Variants in PTK2 observed in about 807,000 individuals in gnomAD.
The protein encoded by PTK2 is protein tyrosine kinase 2, also known as focal adhesion kinase 1.
A neutral mutation model predicts 150.1 loss-of-function variants in PTK2; 45 were observed. The ratio of observed to expected loss-of-function variants is 0.30; its 90% confidence interval spans 0.24 to 0.38. The LOEUF (loss-of-function observed/expected upper bound fraction) is 0.38, where lower values mean the gene tolerates loss of function less well. PTK2 is among the 10% of genes least tolerant of loss of function. The probability of loss-of-function intolerance (pLI) is 1.00; values close to 1 mark genes in which losing one functional copy is unlikely to be tolerated. For missense variants in PTK2, 919 were observed against 1,307.3 expected, an observed-to-expected ratio of 0.70 and a Z score of 4.58; for synonymous variants, 432 against 449.2, an observed-to-expected ratio of 0.96 and a Z score of 0.48.
At chr8:140,730,328 A>C (rs2100048465) in intron 22 of PTK2, among the ~76,000 whole-genome samples, 1 of 152,258 alleles carries the variant, frequency 6.6e-6, no homozygotes, top group Non-Finnish European at 1.5e-5. Context: ...TCACAAATGG[A>C]ACACTATATA....
exon 32 of PTK2, chr8:140,659,619 T>C (rs1260769451): frequency 1.9e-6 from 3 of 1,614,198 alleles, no homozygotes; most frequent in Admixed American, 1.7e-5. Flanking sequence ...GCTGGGCCAG[T>C]TTCATCTTGT....
intron 1 of PTK2, among the ~76,000 whole-genome samples, chr8:140,966,806 T>C (rs1569516175): frequency 6.6e-6 from 1 of 152,202 alleles, no homozygotes; most frequent in Non-Finnish European, 1.5e-5. Context: ...AAGATAGGTA[T>C]AAATAGATGC....
chr8:140,981,610 C>T (rs12334359), intron 1 of PTK2, among the ~76,000 whole-genome samples: 3,664 of 152,254 alleles, frequency 0.024, 157 homozygotes, highest in African/African-American at 0.085. Context: ...GGTTTTACAT[C>T]GTATATGGTT....
chr8:140,945,345 G>C (rs765440765), intron 1 of PTK2, among the ~76,000 whole-genome samples: 3 of 152,216 alleles, frequency 2.0e-5, no homozygotes, highest in Non-Finnish European at 2.9e-5. Flanking sequence ...AGCACTCTGG[G>C]ATGCCAAGGC....
intron 7 of PTK2, among the ~76,000 whole-genome samples, chr8:140,831,459 G>GT (rs1350793563): frequency 6.6e-6 from 1 of 152,156 alleles, no homozygotes; most frequent in Non-Finnish European, 1.5e-5. Flanking sequence ...TTCTTCATCC[G>GT]TAACTGTTAA....
intron 14 of PTK2, among the ~76,000 whole-genome samples, chr8:140,779,911 A>AAC (rs1218665497): frequency 1.3e-5 from 2 of 152,180 alleles, no homozygotes; most frequent in African/African-American, 4.8e-5. Context: ...TGTTCCAGCA[A>AAC]ACAGGTTTCC....
intron 3 of PTK2, among the ~76,000 whole-genome samples, chr8:140,887,930 G>A (rs548504780): frequency 3.9e-4 from 59 of 152,232 alleles, no homozygotes; most frequent in African/African-American, 1.4e-3. Flanking sequence ...AATGGGCAAC[G>A]TAGCTATAAT....
At chr8:140,775,737 C>A (rs2100078034) in intron 14 of PTK2, among the ~76,000 whole-genome samples, 2 of 152,090 alleles carry the variant, frequency 1.3e-5, no homozygotes, top group South Asian at 4.2e-4. Context: ...TTGCCCAGTT[C>A]ATTAAAGGGC....
chr8:140,935,663 G>T (rs1247667220), intron 1 of PTK2, among the ~76,000 whole-genome samples: 1 of 149,952 alleles, frequency 6.7e-6, no homozygotes, highest in Non-Finnish European at 1.5e-5. Context: ...TTTTCCTAAT[G>T]CGCTGTTCAT....
At chr8:140,803,697 A>C in intron 10 of PTK2, 47 bp from the exon 11 acceptor site, 3 of 1,488,284 alleles carry the variant, frequency 2.0e-6, no homozygotes, top group Non-Finnish European at 2.8e-6. Context: ...TAAAAAACTC[A>C]TTTCACAGAG....
chr8:140,961,577 G>A (rs2100183197), intron 1 of PTK2, among the ~76,000 whole-genome samples: 1 of 151,800 alleles, frequency 6.6e-6, no homozygotes, highest in African/African-American at 2.4e-5. Context: ...CAGGAGAATG[G>A]CGTGAACCTG....
At chr8:140,985,024 G>C (rs2100192793) in intron 1 of PTK2, among the ~76,000 whole-genome samples, 1 of 145,494 alleles carries the variant, frequency 6.9e-6, no homozygotes, top group African/African-American at 2.8e-5. Flanking sequence ...GCTAGAATGA[G>C]AGATCCCAAC....
intron 1 of PTK2, among the ~76,000 whole-genome samples, chr8:140,985,299 A>C (rs1174395670): frequency 6.6e-6 from 1 of 151,730 alleles, no homozygotes; most frequent in African/African-American, 2.4e-5. Flanking sequence ...AATTTTGTTA[A>C]ATTTTTGTAG....
chr8:140,978,899 C>T (rs944461836), intron 1 of PTK2, among the ~76,000 whole-genome samples: 25 of 151,942 alleles, frequency 1.6e-4, no homozygotes, highest in African/African-American at 5.6e-4. Context: ...GATAATGTGG[C>T]ACACATACAC....
At chr8:140,676,380 AAATTAATTAATTAATTAATT>A (rs57904871) in intron 27 of PTK2, among the ~76,000 whole-genome samples, 4 of 131,516 alleles carry the variant, frequency 3.0e-5, no homozygotes, top group African/African-American at 1.1e-4. Context: ...TGTCTCAAAA[AAATTAATTAATTAATTAATT>A]AATTAATTAA....
At chr8:140,692,131 G>T (rs1408725798) in intron 26 of PTK2, among the ~76,000 whole-genome samples, 2 of 149,244 alleles carry the variant, frequency 1.3e-5, no homozygotes, top group African/African-American at 5.2e-5. Flanking sequence ...CCCTAATGTG[G>T]TATTTTCCTA....
intron 3 of PTK2, 45 bp from the exon 4 acceptor site, chr8:140,879,682 A>G: frequency 8.0e-7 from 1 of 1,247,742 alleles, no homozygotes. Context: ...AACTGAAAAA[A>G]AAAAAAAAAA....
At chr8:140,778,331 G>A (rs923622292) in intron 14 of PTK2, among the ~76,000 whole-genome samples, 1 of 152,190 alleles carries the variant, frequency 6.6e-6, no homozygotes, top group Non-Finnish European at 1.5e-5. Flanking sequence ...GGCATCTGTA[G>A]TTCCAGCTAC....
At chr8:140,968,361 T>C (rs10104187) in intron 1 of PTK2, among the ~76,000 whole-genome samples, 63,459 of 151,998 alleles carry the variant, frequency 0.42, 15,165 homozygotes, top group Non-Finnish European at 0.55. Flanking sequence ...ACTGTACTTA[T>C]GAACATCGAG....
Sources: allele counts gnomAD v4.1 joint callset (sites outside exome capture counted in the v4.1 genomes callset), GRCh38; gene constraint gnomAD v4.1.1; transcripts MANE v1.5; gene names NCBI Gene and HGNC (gene_info 2026-07-23, HGNC 2026-07-21).